WDR45B: variants seen among roughly 807,000 people sequenced by gnomAD.
WDR45B encodes the protein WD repeat domain 45B, also known as WD repeat domain phosphoinositide-interacting protein 3.
In WDR45B, 20 loss-of-function variants were observed where a neutral mutation model predicts 44.6. The observed-to-expected ratio is 0.45, with a 90% CI of 0.32 to 0.65. The LOEUF (loss-of-function observed/expected upper bound fraction) is 0.65, where lower values mean the gene tolerates loss of function less well. Ranked by LOEUF, WDR45B falls within the 30% of genes least tolerant of loss-of-function variation. WDR45B has a pLI of 0.05. For synonymous variants in WDR45B, 169 were observed against 164.9 expected, an observed-to-expected ratio of 1.02 and a Z score of -0.19; for missense variants, 323 against 430.2, an observed-to-expected ratio of 0.75 and a Z score of 2.20.
intron 3 of WDR45B, 64 bp downstream of exon 3, chr17:82,630,857 C>T (rs567825212): frequency 3.3e-5 from 48 of 1,438,430 alleles, no homozygotes; most frequent in Middle Eastern, 2.4e-4. Flanking sequence ...CAAACATAAA[C>T]GCATTCAAAA....
chr17:82,633,403 T>C (rs1374460728), intron 2 of WDR45B, among the ~76,000 whole-genome samples: 2 of 152,224 alleles, frequency 1.3e-5, no homozygotes, highest in Admixed American at 1.3e-4. Context: ...TAGTGTTTCT[T>C]CAAAGATAAT....
intron 2 of WDR45B, among the ~76,000 whole-genome samples, chr17:82,642,275 T>C (rs1051978456): frequency 6.6e-6 from 1 of 152,090 alleles, no homozygotes; most frequent in African/African-American, 2.4e-5. Context: ...AGCGGCAGCA[T>C]ACGATTCTCA....
At chr17:82,644,305 G>C (rs1257962573) in intron 1 of WDR45B, 2 of 485,834 alleles carry the variant, frequency 4.1e-6, no homozygotes, top group East Asian at 7.9e-5. Flanking sequence ...CCCAGGCTTG[G>C]AGGACGATCA....
At chr17:82,628,891 C>T (rs1215334191) in intron 3 of WDR45B, among the ~76,000 whole-genome samples, 1 of 151,600 alleles carries the variant, frequency 6.6e-6, no homozygotes, top group East Asian at 1.9e-4. Flanking sequence ...CCCAGCTACT[C>T]GGGAGGCTGA....
chr17:82,625,670 G>T (rs979362563), intron 4 of WDR45B, 187 bp from the exon 5 acceptor site: 1 of 621,586 alleles, frequency 1.6e-6, no homozygotes, highest in Non-Finnish European at 2.9e-6. Context: ...AGTGCACGTG[G>T]GCTGGCTCTG....
intron 2 of WDR45B, among the ~76,000 whole-genome samples, chr17:82,641,728 CTACCAA>C (rs2045918710): frequency 6.6e-6 from 1 of 152,128 alleles, no homozygotes; most frequent in Admixed American, 6.5e-5. Flanking sequence ...AACACCGTCT[CTACCAA>C]ACATACAAAA....
intron 2 of WDR45B, among the ~76,000 whole-genome samples, chr17:82,637,321 G>A (rs780599055): frequency 2.0e-5 from 3 of 151,928 alleles, no homozygotes; most frequent in Non-Finnish European, 4.4e-5. Context: ...ATCAGCTGAG[G>A]AAAACTTGAG....
chr17:82,646,414 G>A (rs1453475338), intron 1 of WDR45B, among the ~76,000 whole-genome samples: 4 of 142,368 alleles, frequency 2.8e-5, no homozygotes, highest in African/African-American at 1.0e-4. Context: ...TTGAACCTGA[G>A]AGGCGGAGTT....
At chr17:82,617,870 C>A (rs905534900) in intron 7 of WDR45B, among the ~76,000 whole-genome samples, 2 of 152,122 alleles carry the variant, frequency 1.3e-5, no homozygotes, top group African/African-American at 4.8e-5. Flanking sequence ...GCTATGCACA[C>A]CACAAGGCCC....
At chr17:82,642,470 T>C (rs2045930077) in intron 2 of WDR45B, among the ~76,000 whole-genome samples, 1 of 152,226 alleles carries the variant, frequency 6.6e-6, no homozygotes, top group Non-Finnish European at 1.5e-5. Context: ...CGCTGCTTTA[T>C]AATAAACTGG....
At chr17:82,636,137 T>TGTA (rs985363065) in intron 2 of WDR45B, among the ~76,000 whole-genome samples, 5 of 150,750 alleles carry the variant, frequency 3.3e-5, no homozygotes, top group Non-Finnish European at 7.4e-5. Flanking sequence ...CAGCCAGCTG[T>TGTA]GTAGTCCCAG....
At chr17:82,623,387 C>CA (rs59311520) in intron 5 of WDR45B, among the ~76,000 whole-genome samples, 23,024 of 99,240 alleles carry the variant, frequency 0.23, 2,482 homozygotes, top group Middle Eastern at 0.33. Context: ...ACTCTATCTC[C>CA]AAAAAAAAAA....
At chr17:82,627,070 T>G (rs1179463726) in intron 4 of WDR45B, 134 bp downstream of exon 4, 2 of 803,198 alleles carry the variant, frequency 2.5e-6, no homozygotes, top group Non-Finnish European at 4.4e-6. Context: ...TATATCCTTA[T>G]GGTCATAAAA....
intron 2 of WDR45B, among the ~76,000 whole-genome samples, chr17:82,641,859 C>A (rs2045920766): frequency 6.6e-6 from 1 of 151,948 alleles, no homozygotes; most frequent in South Asian, 2.1e-4. Flanking sequence ...GATCACACCA[C>A]TGCACTCCAG....
rs1414537637 is a variant in WDR45B at position 82,615,069 on chromosome 17, AAAGGAT to A, written c.*844_*849del. On this transcript the variant is annotated 3_prime_UTR_variant, in exon 10 of 10. Coordinates refer to ENST00000392325, the MANE Select transcript of WDR45B (RefSeq NM_019613.4). ...TGCTCTGGCAGACGACCCCGAAGTT[AAAGGAT>A]GTTTTCCCCATAACGAATGTTCAAA... is the stretch of plus-strand genomic sequence containing the variant. 5 of 152,218 alleles carry A rather than the reference AAAGGAT, an allele frequency of 3.3e-5. No individual in the cohort carries two copies. Among genetic ancestry groups the A allele is most frequent in the Admixed American group, 3.3e-4 (5 of 15,278 alleles). 9.4% of individuals were successfully genotyped at this position (152,218 alleles called of 1,614,324 possible).
Position 82,615,831 on chromosome 17 carries a change from G to A in WDR45B, c.*88C>T, listed in dbSNP as rs1029790540. 20 of 1,261,894 alleles carry A rather than the reference G, an allele frequency of 1.6e-5. No homozygotes were observed. The highest frequency in any genetic ancestry group is 2.0e-5 in the Non-Finnish European group (17 of 864,244). The allele number at this position is 1,261,894 out of a possible 1,614,324, so 78.2% of individuals were successfully genotyped here. ...GGTCCCTGGGCAGCCCCTCCAGCCC[G>A]TGGCCCAGGAGGCCCCTGGGGCACT... On this transcript the variant is annotated 3_prime_UTR_variant, in exon 10 of 10. Coordinates refer to ENST00000392325, the MANE Select transcript of WDR45B (RefSeq NM_019613.4).
chr17:82,643,074 C>T (rs1479852206), intron 2 of WDR45B, among the ~76,000 whole-genome samples: 3 of 152,206 alleles, frequency 2.0e-5, no homozygotes, highest in Admixed American at 6.5e-5. Context: ...GCGTGTCTTA[C>T]GCACCCTGAC....
intron 8 of WDR45B, 123 bp from the exon 9 acceptor site, chr17:82,616,768 ATTT>A: frequency 7.9e-7 from 1 of 1,257,864 alleles, no homozygotes; most frequent in Non-Finnish European, 1.1e-6. Flanking sequence ...GCTTTAATGA[ATTT>A]TTTTTTTGCC....
intron 4 of WDR45B, 32 bp downstream of exon 4, chr17:82,627,172 C>T: frequency 1.3e-6 from 2 of 1,529,908 alleles, no homozygotes; most frequent in Non-Finnish European, 9.1e-7. Context: ...AAGTGAAATA[C>T]CACTTTAAAA....
Sources: gnomAD v4.1 joint callset for allele counts (sites outside exome capture counted in the v4.1 genomes callset) on GRCh38, gnomAD v4.1.1 for gene constraint, MANE v1.5 for transcripts, NCBI Gene and HGNC (gene_info 2026-07-23, HGNC 2026-07-21) for gene names.